Variants in EDIL3 observed in about 807,000 individuals in gnomAD.
The protein encoded by EDIL3 is EGF like and discoidin domains 3, also known as EGF-like repeat and discoidin I-like domain-containing protein 3.
EDIL3 carries 37 observed loss-of-function variants against 67.4 expected under a neutral mutation model. The ratio of observed to expected loss-of-function variants is 0.55; its 90% CI spans 0.42 to 0.72. EDIL3 has a LOEUF of 0.72. Among genes scored for constraint, EDIL3 ranks in the 30% least tolerant of loss-of-function variants. EDIL3 has a pLI of 0.00. For synonymous variants in EDIL3, 195 were observed against 196.3 expected (o/e 0.99, Z 0.05); for missense variants, 527 against 586.3 (o/e 0.90, Z 1.04).
At chr5:84,334,346 G>T (rs547892654) in intron 1 of EDIL3, among the ~76,000 whole-genome samples, 1 of 152,200 alleles carries the variant, frequency 6.6e-6, no homozygotes, top group Admixed American at 6.5e-5. Flanking sequence ...TTACAGGCAT[G>T]AGCCACCGCG....
At chr5:84,119,183 C>T (rs925776829) in intron 5 of EDIL3, among the ~76,000 whole-genome samples, 1 of 142,956 alleles carries the variant, frequency 7.0e-6, no homozygotes, top group Non-Finnish European at 1.5e-5. Context: ...ACATATGCTA[C>T]CAGTTCAGCC....
chr5:84,070,676 G>C (rs1047546481), intron 6 of EDIL3, among the ~76,000 whole-genome samples: 2 of 150,464 alleles, frequency 1.3e-5, no homozygotes, highest in Admixed American at 6.6e-5. Context: ...TCTTACCATG[G>C]GGGGTGGGAT....
At chr5:84,298,573 G>A (rs887384090) in intron 1 of EDIL3, among the ~76,000 whole-genome samples, 2 of 151,986 alleles carry the variant, frequency 1.3e-5, no homozygotes, top group Non-Finnish European at 2.9e-5. Context: ...CATGGCACAC[G>A]TTTACCTATG....
At chr5:84,005,404 A>C (rs142148276) in intron 9 of EDIL3, among the ~76,000 whole-genome samples, 1 of 152,286 alleles carries the variant, frequency 6.6e-6, no homozygotes, top group African/African-American at 2.4e-5. Flanking sequence ...ATCCCTGACG[A>C]ACATAGATGT....
chr5:84,067,656 G>A (rs1405275897), intron 6 of EDIL3, among the ~76,000 whole-genome samples: 1 of 152,098 alleles, frequency 6.6e-6, no homozygotes, highest in Non-Finnish European at 1.5e-5. Flanking sequence ...ACTGTAGGAG[G>A]AGACTTTGAG....
chr5:84,311,484 G>C (rs1279321884), intron 1 of EDIL3, among the ~76,000 whole-genome samples: 3 of 151,880 alleles, frequency 2.0e-5, no homozygotes, highest in Non-Finnish European at 4.4e-5. Context: ...GATGGAGAAG[G>C]GCATGCAAAA....
At position 84,060,478 on chromosome 5, in the gene EDIL3, G is replaced by T. The variant is rs747133333; in HGVS notation, c.959C>A (p.Ser320Tyr). The T allele has an allele frequency of 6.2e-7, 1 of 1,613,082 alleles. No homozygotes were observed. The highest frequency in any genetic ancestry group is 1.7e-5 in the Admixed American group (1 of 59,746). ...ELLGCELSGCSEPLGMKSGHI... is the reference protein window; with the variant it reads ...ELLGCELSGCYEPLGMKSGHI... ...TCCTGATTTCATACCCAGAGGCTCA[G>T]AACAACCTGAAAGAAAATGAGAAGG... Residue 320 changes from serine to tyrosine, a missense_variant, in exon 9 of 11, where the codon TCT becomes TAT. Ser to Tyr is a moderately radical substitution (Grantham distance 144, BLOSUM62 -2). Coordinates refer to ENST00000296591, the MANE Select transcript of EDIL3 (RefSeq NM_005711.5).
intron 6 of EDIL3, among the ~76,000 whole-genome samples, chr5:84,069,982 G>A (rs1024982454): frequency 1.1e-4 from 17 of 151,908 alleles, no homozygotes; most frequent in Admixed American, 5.9e-4. Context: ...GACAGGCACC[G>A]GTAGACGCCA....
intron 3 of EDIL3, chr5:84,197,119 T>G (rs1743727469): frequency 6.6e-6 from 1 of 152,058 alleles, no homozygotes; most frequent in African/African-American, 2.4e-5. Flanking sequence ...ATGCCATGTG[T>G]GAGGCACTGA....
intron 9 of EDIL3, among the ~76,000 whole-genome samples, chr5:84,035,010 G>A (rs1053500556): frequency 1.3e-5 from 2 of 151,936 alleles, no homozygotes; most frequent in African/African-American, 4.8e-5. Context: ...GACATTTTTT[G>A]TCATAGACTG....
intron 3 of EDIL3, among the ~76,000 whole-genome samples, chr5:84,211,275 A>G (rs1744112522): frequency 1.3e-5 from 2 of 152,032 alleles, no homozygotes; most frequent in South Asian, 4.1e-4. Flanking sequence ...CTGGTTGTTG[A>G]AAAGAGACTA....
At chr5:84,087,949 A>C (rs1458800235) in intron 6 of EDIL3, among the ~76,000 whole-genome samples, 1 of 152,106 alleles carries the variant, frequency 6.6e-6, no homozygotes, top group African/African-American at 2.4e-5. Flanking sequence ...CTAAGCATGG[A>C]AAAAAAGAAT....
intron 4 of EDIL3, among the ~76,000 whole-genome samples, chr5:84,161,954 C>A (rs1748620299): frequency 6.6e-6 from 1 of 152,028 alleles, no homozygotes; most frequent in Non-Finnish European, 1.5e-5. Flanking sequence ...AATTGAGGAC[C>A]ATAAGAGAAA....
intron 9 of EDIL3, among the ~76,000 whole-genome samples, chr5:83,994,924 G>A (rs1745211013): frequency 6.6e-6 from 1 of 151,756 alleles, no homozygotes; most frequent in African/African-American, 2.4e-5. Flanking sequence ...TATTTCAATA[G>A]ACAAACAGTA....
chr5:84,245,846 T>A (rs1245048241), intron 2 of EDIL3, among the ~76,000 whole-genome samples: 1 of 150,856 alleles, frequency 6.6e-6, no homozygotes, highest in East Asian at 1.9e-4. Context: ...AGGTTAGGAG[T>A]AAAAGGGCAA....
rs1450486596 is a variant in EDIL3, at chr5:83,942,894, T to C, written c.*525A>G. 6.4e-6 allele frequency: 1 copy of C among 156,852 alleles called. No individual in the cohort carries two copies. The highest frequency in any genetic ancestry group is 1.9e-4 in the East Asian group (1 of 5,224). The allele number at this position is 156,852 out of a possible 1,614,324, so 9.7% of individuals were successfully genotyped here. A position where few individuals can be genotyped will look rare whatever the true frequency, so the allele number is the denominator to read the frequency against. On this transcript the variant is annotated 3_prime_UTR_variant, in exon 11 of 11. Coordinates refer to ENST00000296591, the MANE Select transcript of EDIL3 (RefSeq NM_005711.5). ...AGAATTATAATATCAGTACTGCATGTTACATATTCTTCTTTAAAATTTTGT... is the reference window on the plus strand; with the variant it reads ...AGAATTATAATATCAGTACTGCATGCTACATATTCTTCTTTAAAATTTTGT...
intron 3 of EDIL3, among the ~76,000 whole-genome samples, chr5:84,225,077 T>C (rs921326684): frequency 5.3e-5 from 8 of 151,682 alleles, no homozygotes; most frequent in Non-Finnish European, 8.9e-5. Flanking sequence ...AAAAAGAAGC[T>C]TCTGGTAGCT....
chr5:84,206,949 G>T (rs1743993864), intron 3 of EDIL3, among the ~76,000 whole-genome samples: 1 of 152,092 alleles, frequency 6.6e-6, no homozygotes, highest in Non-Finnish European at 1.5e-5. Flanking sequence ...ATACTGAATG[G>T]GCAAAAACTG....
chr5:84,338,607 C>T (rs1747035608), intron 1 of EDIL3, among the ~76,000 whole-genome samples: 1 of 152,164 alleles, frequency 6.6e-6, no homozygotes, highest in Non-Finnish European at 1.5e-5. Context: ...CTGTCACTTA[C>T]ACCCTTTGGT....
Sources: gnomAD v4.1 joint callset for allele counts (sites outside exome capture counted in the v4.1 genomes callset) on GRCh38, gnomAD v4.1.1 for gene constraint, MANE v1.5 for transcripts, NCBI Gene and HGNC (gene_info 2026-07-23, HGNC 2026-07-21) for gene names.